The following ARHGAP27 variants were observed in gnomAD, a reference collection of about 807,000 sequenced individuals.
ARHGAP27 encodes the protein rho GTPase-activating protein 27.
A neutral mutation model predicts 102.0 loss-of-function variants in ARHGAP27; 53 were observed. That is an observed-to-expected ratio of 0.52 (90% CI 0.42 to 0.65). The LOEUF (loss-of-function observed/expected upper bound fraction) is 0.65, where lower values mean the gene tolerates loss of function less well. ARHGAP27 is among the 30% of genes least tolerant of loss of function. The probability of loss-of-function intolerance (pLI) is 0.00; values close to 1 mark genes in which losing one functional copy is unlikely to be tolerated. For missense variants in ARHGAP27, 1,117 were observed against 1,256.2 expected, an observed-to-expected ratio of 0.89 and a Z score of 1.68; for synonymous variants, 525 against 542.8, an observed-to-expected ratio of 0.97 and a Z score of 0.46.
Position 45,404,485 on chromosome 17 carries a change from T to A in ARHGAP27, c.1373A>T (p.Asp458Val), listed in dbSNP as rs2046882543. ...APRSIHKSSQ[D>V]GDTPAQASPP... ...GCTGGCCTGGGCTGGGGTGTCACCA[T>A]CCTGGCTGGATTTATGGATGCTTCG... Residue 458 changes from aspartate to valine, a missense_variant, in exon 8 of 20, where the codon GAT becomes GTT. Transcript: ENST00000685559. The A allele has an allele frequency of 4.3e-6, 7 of 1,613,710 alleles. No homozygotes were observed. Among genetic ancestry groups the A allele is most frequent in the East Asian group, 2.2e-5 (1 of 44,878 alleles).
chr17:45,419,846 G>A (rs1264115865), intron 4 of ARHGAP27, among the ~76,000 whole-genome samples: 2 of 151,824 alleles, frequency 1.3e-5, no homozygotes, highest in Admixed American at 6.6e-5. Context: ...AAAAGGGGGG[G>A]AACAAACAGC....
chr17:45,410,244 G>A, intron 4 of ARHGAP27: 1 of 1,533,938 alleles, frequency 6.5e-7, no homozygotes. Context: ...GTGCCGGCAA[G>A]GCTCGACTCT....
intron 12 of ARHGAP27, among the ~76,000 whole-genome samples, chr17:45,399,235 T>C (rs1398700555): frequency 2.0e-5 from 3 of 152,140 alleles, no homozygotes; most frequent in Non-Finnish European, 2.9e-5. Flanking sequence ...ACTTCTAGAA[T>C]TGGATTGGAC....
At position 45,430,029 on chromosome 17, in the gene ARHGAP27, C is replaced by G; in HGVS notation, c.251G>C (p.Ser84Thr). 1 of 1,230,280 alleles carries G rather than the reference C, an allele frequency of 8.1e-7. No homozygotes were observed. Among genetic ancestry groups the G allele is most frequent in the South Asian group, 2.7e-5 (1 of 37,236 alleles). The allele number at this position is 1,230,280 out of a possible 1,614,324, so 76.2% of individuals were successfully genotyped here. A position where few individuals can be genotyped will look rare whatever the true frequency, so the allele number is the denominator to read the frequency against. Residue 84 changes from serine (S) to threonine (T), a missense_variant, in exon 4 of 20, where the codon AGC becomes ACC. By Grantham distance (58) the Ser-to-Thr change is moderately conservative. Around this residue, in one of 3 missense-constraint regions of ARHGAP27, gnomAD observed 610 missense variants for 716.4 expected, o/e 0.85. Coordinates refer to ENST00000685559, the MANE Select transcript of ARHGAP27 (RefSeq NM_001282290.2). This position sits in a 1 kb window ranked among gnomAD's most constrained non-coding sequence, Gnocchi z 4.4. Reference sequence around the variant, plus strand: ...GGCGAGCGGCTCAGGGGCCGCGGGGCTCGGGTGGGGACCTGGCGGCGCGGC... The same window carrying G: ...GGCGAGCGGCTCAGGGGCCGCGGGGGTCGGGTGGGGACCTGGCGGCGCGGC... ...AAAAPPGPHP[S>T]PAAPEPLAYD...
chr17:45,410,443 G>A, intron 4 of ARHGAP27: 1 of 1,360,516 alleles, frequency 7.4e-7, no homozygotes, highest in Non-Finnish European at 9.4e-7. Flanking sequence ...TGTCAGGGCT[G>A]CGGAAGTGCT....
At chr17:45,403,959 C>A in intron 10 of ARHGAP27, 70 bp downstream of exon 10, 2 of 1,526,634 alleles carry the variant, frequency 1.3e-6, no homozygotes, top group Non-Finnish European at 9.0e-7. Flanking sequence ...GCCTGGCATA[C>A]AGGAAGTGCT....
In ARHGAP27 at chr17:45,393,985, G is replaced by A. The variant is rs1229201138; in HGVS notation, c.*1471C>T. On this transcript the variant is annotated 3_prime_UTR_variant, in exon 20 of 20. Coordinates refer to ENST00000685559, the MANE Select transcript of ARHGAP27 (RefSeq NM_001282290.2). ...TTAAATATTTAGACATATGGTATGA[G>A]GCCCCTGTGTGTACTCTTGCCCTGG... The A allele has an allele frequency of 6.6e-6, 1 of 152,642 alleles. No individual in the cohort carries two copies. 9.5% of individuals were successfully genotyped at this position (152,642 alleles called of 1,614,324 possible).
intron 4 of ARHGAP27, among the ~76,000 whole-genome samples, chr17:45,417,389 G>A (rs1204616701): frequency 6.6e-5 from 10 of 151,946 alleles, no homozygotes; most frequent in Admixed American, 4.6e-4. Flanking sequence ...ACTTGAACCC[G>A]GGAGGCAGAG....
At chr17:45,411,177 C>T (rs1055836428) in intron 4 of ARHGAP27, among the ~76,000 whole-genome samples, 5 of 152,108 alleles carry the variant, frequency 3.3e-5, no homozygotes, top group African/African-American at 1.2e-4. Context: ...CTCTTCCCTT[C>T]ACCCCCTCGT....
intron 4 of ARHGAP27, chr17:45,410,367 G>A: frequency 7.2e-7 from 1 of 1,386,558 alleles, no homozygotes; most frequent in South Asian, 1.6e-5. Flanking sequence ...CCCAGTGCTG[G>A]CACAGGGCAA....
At chr17:45,411,870 G>A (rs2047952992) in intron 4 of ARHGAP27, among the ~76,000 whole-genome samples, 1 of 152,090 alleles carries the variant, frequency 6.6e-6, no homozygotes, top group Non-Finnish European at 1.5e-5. Context: ...ATGCAACCAG[G>A]CCTCAGAGAC....
chr17:45,403,761 C>A (rs775029740), intron 10 of ARHGAP27, 52 bp from the exon 11 acceptor site: 1 of 1,470,846 alleles, frequency 6.8e-7, no homozygotes, highest in Admixed American at 1.8e-5. Flanking sequence ...TGGTCCTGGG[C>A]TGAGGGCCCC....
chr17:45,431,424 G>T (rs2050052654), intron 3 of ARHGAP27, among the ~76,000 whole-genome samples, 197 bp downstream of exon 3: 1 of 152,248 alleles, frequency 6.6e-6, no homozygotes, highest in South Asian at 2.1e-4. Flanking sequence ...CAGAGGAGCA[G>T]GTTCCAACGG....
chr17:45,397,326 C>A (rs1040372631), intron 13 of ARHGAP27: 3 of 1,285,318 alleles, frequency 2.3e-6, no homozygotes, highest in Non-Finnish European at 9.9e-7. Context: ...TTCCTCAGCT[C>A]CTCTAACTGG....
intron 4 of ARHGAP27, chr17:45,425,525 C>T (rs564781114): frequency 9.6e-5 from 94 of 979,998 alleles, no homozygotes; most frequent in Admixed American, 7.4e-4. Context: ...GGGGAAACTG[C>T]TGTGGCCACC....
intron 4 of ARHGAP27, among the ~76,000 whole-genome samples, chr17:45,413,616 G>A (rs1043921079): frequency 2.6e-5 from 4 of 152,144 alleles, no homozygotes; most frequent in African/African-American, 9.7e-5. Context: ...TTCTGACTTC[G>A]GGTTTCGATT....
At chr17:45,420,439 TG>T (rs2048916954) in intron 4 of ARHGAP27, among the ~76,000 whole-genome samples, 1 of 152,106 alleles carries the variant, frequency 6.6e-6, no homozygotes. Context: ...TGAATGAAAG[TG>T]GTGACTTTTG....
intron 19 of ARHGAP27, 21 bp from the exon 20 acceptor site, chr17:45,395,654 T>A (rs1454562116): frequency 1.8e-5 from 28 of 1,589,156 alleles, no homozygotes; most frequent in Non-Finnish European, 2.4e-5. Flanking sequence ...GGTGGGTGGG[T>A]TCAGGGCTCC....
rs2045479970 is a variant in ARHGAP27, at chr17:45,395,451, A to C, written c.*5T>G. 1 of 1,560,794 alleles carries C rather than the reference A, an allele frequency of 6.4e-7. No homozygotes were observed. The highest frequency in any genetic ancestry group is 1.4e-5 in the African/African-American group (1 of 73,648). Reference sequence around the variant, plus strand: ...GCGGCCGCCGCCCCAGTCACAGGCCAGCAGTCAGTGCGGCGGGAAGATGTC... The same window carrying C: ...GCGGCCGCCGCCCCAGTCACAGGCCCGCAGTCAGTGCGGCGGGAAGATGTC... On this transcript the variant is annotated 3_prime_UTR_variant, in exon 20 of 20. Coordinates refer to ENST00000685559, the MANE Select transcript of ARHGAP27 (RefSeq NM_001282290.2).
Sources: gnomAD v4.1 joint callset for allele counts (sites outside exome capture counted in the v4.1 genomes callset) on GRCh38, gnomAD v4.1.1 for gene constraint, gnomAD v4.1.1 regional missense constraint, Gnocchi (gnomAD v3.1) non-coding constraint, MANE v1.5 for transcripts, NCBI Gene and HGNC (gene_info 2026-07-23, HGNC 2026-07-21) for gene names.